The following SLCO3A1 variants were observed in gnomAD, a reference collection of about 807,000 sequenced individuals.
SLCO3A1 encodes PGE1 transporter.
Under a neutral mutation model 63.1 loss-of-function variants are expected in SLCO3A1, and 27 were observed. That is an observed-to-expected ratio of 0.43 (90% confidence interval 0.32 to 0.59). The LOEUF (loss-of-function observed/expected upper bound fraction) is 0.59, where lower values mean the gene tolerates loss of function less well. SLCO3A1 is among the 20% of genes least tolerant of loss of function. The pLI, the probability that SLCO3A1 is intolerant of heterozygous loss-of-function variation, is 0.09. For missense variants in SLCO3A1, 773 were observed against 945.8 expected (o/e 0.82, Z 2.40); for synonymous variants, 473 against 409.9 (o/e 1.15, Z -1.86).
In SLCO3A1 at chr15:92,163,929, AAGC is replaced by A. The variant is rs2048471584; in HGVS notation, c.*797_*799del. 2.0e-6 allele frequency: 2 copies of A among 985,528 alleles called. No homozygotes were observed. Among genetic ancestry groups the A allele is most frequent in the African/African-American group, 3.5e-5 (2 of 57,362 alleles). The allele number at this position is 985,528 out of a possible 1,614,324, so 61.0% of individuals were successfully genotyped here. On this transcript the variant is annotated 3_prime_UTR_variant, in exon 10 of 10. Coordinates refer to ENST00000318445, the MANE Select transcript of SLCO3A1 (RefSeq NM_013272.4). Reference sequence around the variant, plus strand: ...CCCAGCCCCACAGAGTGACCTCAGGAAGCAGTAGGCCTCGCCTGGCTATGACTG... The same window carrying A: ...CCCAGCCCCACAGAGTGACCTCAGGAAGTAGGCCTCGCCTGGCTATGACTG...
chr15:91,966,804 C>A (rs1031094381), intron 2 of SLCO3A1, among the ~76,000 whole-genome samples: 1 of 152,202 alleles, frequency 6.6e-6, no homozygotes, highest in South Asian at 2.1e-4. Context: ...TGGCACTGTT[C>A]GTGGAAAAAG....
intron 3 of SLCO3A1, among the ~76,000 whole-genome samples, chr15:92,096,167 T>C (rs749390273): frequency 2.6e-5 from 4 of 152,144 alleles, no homozygotes; most frequent in African/African-American, 7.2e-5. Context: ...AAGGCTCAGC[T>C]TGGGGAGGAT....
At chr15:91,864,926 C>T (rs765629101) in intron 1 of SLCO3A1, among the ~76,000 whole-genome samples, 2 of 152,216 alleles carry the variant, frequency 1.3e-5, no homozygotes, top group Non-Finnish European at 2.9e-5. Flanking sequence ...GCCTCACCGT[C>T]CCTGACAGGA....
intron 1 of SLCO3A1, chr15:91,908,671 C>T (rs1004418849): frequency 6.6e-6 from 1 of 151,528 alleles, no homozygotes; most frequent in African/African-American, 2.4e-5. Context: ...GATTAAGTCT[C>T]TTTCTACCAC....
chr15:91,926,494 ATAAGC>A (rs1216048360), intron 2 of SLCO3A1, among the ~76,000 whole-genome samples: 2 of 149,880 alleles, frequency 1.3e-5, no homozygotes, highest in Non-Finnish European at 2.9e-5. Context: ...TCAGGAATGA[ATAAGC>A]TAAATAAATG....
chr15:91,981,762 C>G (rs1393103400), intron 2 of SLCO3A1, among the ~76,000 whole-genome samples: 2 of 152,174 alleles, frequency 1.3e-5, no homozygotes, highest in African/African-American at 2.4e-5. Flanking sequence ...TCACAGATCC[C>G]CCTGCCACAG....
intron 2 of SLCO3A1, among the ~76,000 whole-genome samples, chr15:91,928,993 G>A (rs1382380900): frequency 2.0e-5 from 3 of 152,164 alleles, no homozygotes; most frequent in Admixed American, 6.5e-5. Flanking sequence ...CATACTAGAC[G>A]CCAGCGGGGA....
intron 2 of SLCO3A1, among the ~76,000 whole-genome samples, chr15:91,927,900 A>C (rs1021146943): frequency 2.6e-5 from 4 of 152,198 alleles, no homozygotes; most frequent in African/African-American, 7.2e-5. Flanking sequence ...ATTAGATCTA[A>C]ATCATTTCGC....
At chr15:92,003,912 C>G (rs2046284221) in intron 2 of SLCO3A1, among the ~76,000 whole-genome samples, 1 of 152,138 alleles carries the variant, frequency 6.6e-6, no homozygotes, top group African/African-American at 2.4e-5. Flanking sequence ...CAGCTGGGGA[C>G]CTGCTGCAGA....
At chr15:92,088,037 A>T (rs751885815) in intron 2 of SLCO3A1, among the ~76,000 whole-genome samples, 4 of 152,142 alleles carry the variant, frequency 2.6e-5, no homozygotes, top group Non-Finnish European at 5.9e-5. Context: ...ACATCTGCAG[A>T]GGGACTTGGG....
At position 91,912,205 on chromosome 15, in the gene SLCO3A1, A is replaced by C. The variant is rs771551023; in HGVS notation, c.181-3788A>C. 8.5e-5 allele frequency among the ~76,000 whole-genome samples: 13 copies of C among 152,180 alleles called. No individual in the cohort carries two copies. The highest frequency in any genetic ancestry group is 1.8e-4 in the Non-Finnish European group (12 of 68,034). On this transcript the variant is annotated intron_variant, in intron 1 of 9. Coordinates refer to ENST00000318445, the MANE Select transcript of SLCO3A1 (RefSeq NM_013272.4). This position sits in a 1 kb window ranked among gnomAD's most constrained non-coding sequence, Gnocchi z 5.0. ...TGCTCTTCCTCAGGCTGGGTTGTTC[A>C]CTGCCACATAAAGGCTACAAGTGGG...
At chr15:91,880,405 C>CTGTGTGTGTGTGTGTGTGTGTGTG (rs1234294258) in intron 1 of SLCO3A1, among the ~76,000 whole-genome samples, 261 of 142,318 alleles carry the variant, frequency 1.8e-3, no homozygotes, top group African/African-American at 6.5e-3. Context: ...CTCTCTCTCT[C>CTGTGTGTGTGTGTGTGTGTGTGTG]TCTCTGTGTG....
At position 92,056,585 on chromosome 15, in the gene SLCO3A1, A is replaced by G. The variant is rs57595877; in HGVS notation, c.647-38296A>G. Among the ~76,000 whole-genome samples, 9 of 152,262 alleles carry G rather than the reference A, an allele frequency of 5.9e-5. No individual in the cohort carries two copies. The East Asian group carries it at 1.7e-3, about 29-fold the overall frequency. On this transcript the variant is annotated intron_variant, in intron 2 of 9. Transcript: ENST00000318445. ...CTTCCTCCCATGTAGTATTAGTGAG[A>G]GTGTTTATTTTCTTGGACTTCCTTC... is the stretch of plus-strand genomic sequence containing the variant.
At chr15:92,108,080 C>T (rs2047687348) in intron 4 of SLCO3A1, among the ~76,000 whole-genome samples, 1 of 152,172 alleles carries the variant, frequency 6.6e-6, no homozygotes, top group Non-Finnish European at 1.5e-5. Context: ...AACAGTCAGC[C>T]ATCAATTGGG....
At chr15:91,934,915 A>G (rs1899354488) in intron 2 of SLCO3A1, among the ~76,000 whole-genome samples, 2 of 152,098 alleles carry the variant, frequency 1.3e-5, no homozygotes, top group South Asian at 2.1e-4. Context: ...TTGAGCTTTG[A>G]TTGGTAAAAC....
intron 2 of SLCO3A1, among the ~76,000 whole-genome samples, chr15:92,000,927 C>A (rs563487756): frequency 1.3e-5 from 2 of 152,242 alleles, no homozygotes; most frequent in African/African-American, 4.8e-5. Context: ...AGTTGGAGGG[C>A]TTTGTACATT....
At position 91,957,108 on chromosome 15, in the gene SLCO3A1, A is replaced by ATACTATATAGTATATATATAATATATAG. The variant is rs1555417710; in HGVS notation, c.646+40652_646+40653insCTATATAGTATATATATAATATATAGTA. ...AGTATATATAATATATATAATATAT[A>ATACTATATAGTATATATATAATATATAG]TATATATAATATATATAATATATAT... is the stretch of plus-strand genomic sequence containing the variant. On this transcript the variant is annotated intron_variant, in intron 2 of 9. Coordinates refer to ENST00000318445, the MANE Select transcript of SLCO3A1 (RefSeq NM_013272.4). Among the ~76,000 whole-genome samples the ATACTATATAGTATATATATAATATATAG allele has an allele frequency of 1.3e-3, 7 of 5,500 alleles. 2 individuals carry two copies. The South Asian group carries it at 0.031, about 24-fold the overall frequency. The allele number at this position is 5,500 out of a possible 152,430, so 3.6% of individuals were successfully genotyped here.
intron 3 of SLCO3A1, among the ~76,000 whole-genome samples, chr15:92,103,052 C>T (rs1180347861): frequency 1.3e-5 from 2 of 152,190 alleles, no homozygotes; most frequent in Admixed American, 1.3e-4. Context: ...AGGAAGCCCT[C>T]AATAAACGAT....
intron 1 of SLCO3A1, among the ~76,000 whole-genome samples, chr15:91,870,049 C>T (rs1004828931): frequency 2.0e-5 from 3 of 152,110 alleles, no homozygotes; most frequent in African/African-American, 7.2e-5. Context: ...AGTAAGTTGC[C>T]AATCCTTCCC....
Sources: allele counts gnomAD v4.1 joint callset (sites outside exome capture counted in the v4.1 genomes callset), GRCh38; gene constraint gnomAD v4.1.1; non-coding constraint Gnocchi (gnomAD v3.1); transcripts MANE v1.5; gene names NCBI Gene and HGNC (gene_info 2026-07-23, HGNC 2026-07-21).